The following KLHL36 variants were observed in gnomAD, a reference collection of about 807,000 sequenced individuals.
KLHL36 encodes the protein kelch-like protein 36.
KLHL36 carries 35 observed loss-of-function variants against 53.3 expected under a neutral mutation model. The observed-to-expected ratio is 0.66, with a 90% CI of 0.50 to 0.87. The LOEUF (loss-of-function observed/expected upper bound fraction) is 0.87, where lower values mean the gene tolerates loss of function less well. Among genes scored for constraint, KLHL36 ranks in the 40% least tolerant of loss-of-function variants. The pLI is 0.00. For synonymous variants in KLHL36, 472 were observed against 398.9 expected (o/e 1.18, Z -2.18); for missense variants, 864 against 897.6 (o/e 0.96, Z 0.48).
rs1372340384 is a variant in KLHL36 at position 84,663,579 on chromosome 16, T to C, written c.*1446T>C. On this transcript the variant is annotated 3_prime_UTR_variant, in exon 5 of 5. Transcript: ENST00000564996. ...TCAGTAAACTTCAAGATGTGCTTCA[T>C]CTTCAATCCTAGTCTAACACCAGTC... The C allele has an allele frequency of 2.0e-5, 3 of 151,840 alleles. No homozygotes were observed. The highest frequency in any genetic ancestry group is 4.4e-5 in the Non-Finnish European group (3 of 67,998). The allele number at this position is 151,840 out of a possible 1,614,324, so 9.4% of individuals were successfully genotyped here.
intron 2 of KLHL36, among the ~76,000 whole-genome samples, chr16:84,656,382 G>C (rs1015138587): frequency 4.0e-5 from 6 of 151,122 alleles, no homozygotes; most frequent in African/African-American, 1.5e-4. Context: ...CAATTCTCCT[G>C]CCTCAGCCTC....
At chr16:84,653,944 G>A (rs1051587684) in intron 2 of KLHL36, among the ~76,000 whole-genome samples, 7 of 151,758 alleles carry the variant, frequency 4.6e-5, no homozygotes, top group Non-Finnish European at 1.0e-4. Context: ...GATTGTACCC[G>A]GGTACAGCAT....
Position 84,657,326 on chromosome 16 carries a change from C to A in KLHL36, c.519C>A (p.Asn173Lys), listed in dbSNP as rs1165749170. 2 of 1,613,564 alleles carry A rather than the reference C, an allele frequency of 1.2e-6. No individual in the cohort carries two copies. Among genetic ancestry groups the A allele is most frequent in the Non-Finnish European group, 1.7e-6 (2 of 1,180,030 alleles). Residue 173 changes from asparagine to lysine, a missense_variant, in exon 3 of 5, where the codon AAC (asparagine) becomes AAA (lysine). Physicochemically the swap from Asn to Lys is moderately conservative, Grantham distance 94. Coordinates refer to ENST00000564996, the MANE Select transcript of KLHL36 (RefSeq NM_024731.4). ...CCTTCATCGATGGCTTCATCCTGAA[C>A]CACTTCGGCACGCTGTCCTTTACGC... ...LDAFIDGFIL[N>K]HFGTLSFTPD... is the part of the protein sequence containing the mutation.
At chr16:84,651,032 G>A in intron 2 of KLHL36, 102 bp downstream of exon 2, 2 of 941,744 alleles carry the variant, frequency 2.1e-6, no homozygotes, top group Non-Finnish European at 1.6e-6. Context: ...TTTGTCATTG[G>A]TGTTGTCAGT....
chr16:84,652,109 G>A lies in KLHL36; in HGVS notation c.63+1179G>A, dbSNP rs146706995. Among the ~76,000 whole-genome samples, 419 of 152,244 alleles carry A rather than the reference G, an allele frequency of 2.8e-3. 6 individuals carry two copies. The highest frequency in any genetic ancestry group is 0.025 in the Admixed American group (382 of 15,294). Reference sequence around the variant, plus strand: ...AAAACCCAGAGAGGTCTCGCCGCTCGCTCACAAGGGCTTTGTTTGGGAGCT... The same window carrying A: ...AAAACCCAGAGAGGTCTCGCCGCTCACTCACAAGGGCTTTGTTTGGGAGCT... On this transcript the variant is annotated intron_variant, in intron 2 of 4. Coordinates refer to ENST00000564996, the MANE Select transcript of KLHL36 (RefSeq NM_024731.4).
At chr16:84,656,038 G>A (rs111331919) in intron 2 of KLHL36, among the ~76,000 whole-genome samples, 44 of 150,330 alleles carry the variant, frequency 2.9e-4, no homozygotes, top group Non-Finnish European at 5.5e-4. Context: ...GACTACAGGC[G>A]AATGCCACCA....
rs1907299559 is a variant in KLHL36 at position 84,657,654 on chromosome 16, A to G, written c.847A>G (p.Met283Val). The change falls in exon 3 of 5, where the codon ATG becomes GTG. Residue 283 changes from methionine to valine, a missense_variant. Coordinates refer to ENST00000564996, the MANE Select transcript of KLHL36 (RefSeq NM_024731.4). ...CAACAACCTGGCGGCCCAGCCCGTC[A>G]TGCAGACCAAGCGCACGGCGCTGCG... is the stretch of plus-strand genomic sequence containing the variant. ...YHNNLAAQPV[M>V]QTKRTALRTN... The G allele has an allele frequency of 1.2e-6, 2 of 1,612,304 alleles. No homozygotes were observed. The highest frequency in any genetic ancestry group is 2.2e-5 in the East Asian group (1 of 44,860).
At chr16:84,656,793 A>C in intron 2 of KLHL36, 78 bp from the exon 3 acceptor site, 1 of 968,306 alleles carries the variant, frequency 1.0e-6, no homozygotes, top group Non-Finnish European at 1.5e-6. Context: ...TTTGTTGAAA[A>C]TGCTGGTCAG....
chr16:84,663,616 A>C lies in KLHL36; in HGVS notation c.*1483A>C, dbSNP rs1378589993. ...GTCTAACACCAGTCTTCCTGCAGAC[A>C]GTTCCGAGAGCAGGTCTCGATGTCA... On this transcript the variant is annotated 3_prime_UTR_variant, in exon 5 of 5. Transcript: ENST00000564996. 2 of 152,164 alleles carry C rather than the reference A, an allele frequency of 1.3e-5. No homozygotes were observed. The highest frequency in any genetic ancestry group is 2.4e-5 in the African/African-American group (1 of 41,412). The allele number at this position is 152,164 out of a possible 1,614,324, so 9.4% of individuals were successfully genotyped here.
chr16:84,659,729 A>G lies in KLHL36; in HGVS notation c.1138-31A>G, dbSNP rs777092973. On this transcript the variant is annotated intron_variant, in intron 3 of 4. Coordinates refer to ENST00000564996, the MANE Select transcript of KLHL36 (RefSeq NM_024731.4). ...TGTTGATGCTGTCCCGGGTTCGGGGAAGGGAAGGTACAGGTATCTCAACTC... is the reference window on the plus strand; with the variant it reads ...TGTTGATGCTGTCCCGGGTTCGGGGGAGGGAAGGTACAGGTATCTCAACTC... The G allele has an allele frequency of 3.1e-5, 50 of 1,605,304 alleles. No individual in the cohort carries two copies. The East Asian group carries it at 1.0e-3, about 32-fold the overall frequency.
In KLHL36 at chr16:84,667,339, G is replaced by A. The variant is rs193157247; in HGVS notation, c.*5206G>A. ...TCAGCGAGATATTTGATGATTAAGT[G>A]ATTCATTGGGTATGTTCTGGCTACT... On this transcript the variant is annotated 3_prime_UTR_variant, in exon 5 of 5. Coordinates refer to ENST00000564996, the MANE Select transcript of KLHL36 (RefSeq NM_024731.4). 29 of 152,308 alleles carry A rather than the reference G, an allele frequency of 1.9e-4. No homozygotes were observed. Among genetic ancestry groups the A allele is most frequent in the African/African-American group, 6.3e-4 (26 of 41,554 alleles). 9.4% of individuals were successfully genotyped at this position (152,308 alleles called of 1,614,324 possible).
intron 2 of KLHL36, among the ~76,000 whole-genome samples, chr16:84,654,455 C>T: frequency 6.6e-6 from 1 of 152,164 alleles, no homozygotes; most frequent in Non-Finnish European, 1.5e-5. Context: ...GAAGACCAGC[C>T]TGGGCAATGT....
rs1906818753 is a variant in KLHL36 at position 84,650,721 on chromosome 16, A to G, written c.-16-131A>G. On this transcript the variant is annotated intron_variant, in intron 1 of 4. Coordinates refer to ENST00000564996, the MANE Select transcript of KLHL36 (RefSeq NM_024731.4). ...GGTGTAAAAGAGTTCTTTGTAGTGC[A>G]CGGTCCTCCCTCCCTCCTTCTTCCG... 1.1e-5 allele frequency: 7 copies of G among 651,688 alleles called. No individual in the cohort carries two copies. In the East Asian group the frequency reaches 2.1e-4, roughly 19 times the overall value. The allele number at this position is 651,688 out of a possible 1,614,324, so 40.4% of individuals were successfully genotyped here.
At chr16:84,658,213 T>G in intron 3 of KLHL36, 1 of 337,466 alleles carries the variant, frequency 3.0e-6, no homozygotes, top group Admixed American at 4.7e-5. Context: ...CTGTCTGTAC[T>G]TCCCGATACG....
intron 2 of KLHL36, among the ~76,000 whole-genome samples, chr16:84,653,474 GA>G (rs1907020084): frequency 6.6e-6 from 1 of 151,894 alleles, no homozygotes; most frequent in South Asian, 2.1e-4. Flanking sequence ...TTATAATTGG[GA>G]AATAGGCCAG....
Position 84,663,877 on chromosome 16 carries a change from C to G in KLHL36, c.*1744C>G, listed in dbSNP as rs757714544. On this transcript the variant is annotated 3_prime_UTR_variant, in exon 5 of 5. Transcript: ENST00000564996. ...ACTGAAAGCTTCAATAGCCAACTTA[C>G]TGCCCTCTGTGGTTAGTGAGGAGGG... 1.8e-4 allele frequency: 28 copies of G among 152,210 alleles called. No individual in the cohort carries two copies. The highest frequency in any genetic ancestry group is 3.4e-4 in the Non-Finnish European group (23 of 68,042). The allele number at this position is 152,210 out of a possible 1,614,324, so 9.4% of individuals were successfully genotyped here. A position where few individuals can be genotyped will look rare whatever the true frequency, so the allele number is the denominator to read the frequency against.
intron 1 of KLHL36, chr16:84,649,353 A>G (rs1030774212): frequency 6.6e-6 from 1 of 152,380 alleles, no homozygotes; most frequent in African/African-American, 2.4e-5. Flanking sequence ...GTTGAGCGTT[A>G]GAAGGCCTGG....
At chr16:84,650,660 C>G (rs944329272) in intron 1 of KLHL36, among the ~76,000 whole-genome samples, 192 bp from the exon 2 acceptor site, 4 of 152,060 alleles carry the variant, frequency 2.6e-5, no homozygotes, top group Non-Finnish European at 5.9e-5. Context: ...GTTAAATGTT[C>G]TGTCCAATTC....
intron 2 of KLHL36, among the ~76,000 whole-genome samples, chr16:84,656,306 G>T (rs1232533088): frequency 6.7e-6 from 1 of 150,334 alleles, no homozygotes; most frequent in Non-Finnish European, 1.5e-5. Flanking sequence ...TTCTTGCTCT[G>T]TCTCCCAGGC....
Sources: allele counts gnomAD v4.1 joint callset (sites outside exome capture counted in the v4.1 genomes callset), GRCh38; gene constraint gnomAD v4.1.1; transcripts MANE v1.5; gene names NCBI Gene and HGNC (gene_info 2026-07-23, HGNC 2026-07-21).